PCDH15: variants seen among roughly 807,000 people sequenced by gnomAD.
PCDH15 encodes the protein protocadherin related 15, also known as protocadherin-15.
Under a neutral mutation model 178.5 loss-of-function variants are expected in PCDH15, and 129 were observed. That is an observed-to-expected ratio of 0.72 (90% confidence interval 0.63 to 0.84). PCDH15 has a LOEUF of 0.84. PCDH15 is among the 40% of genes least tolerant of loss of function. PCDH15 has a pLI of 0.00. For missense variants in PCDH15, 2,230 were observed against 2,099.9 expected (o/e 1.06, Z -1.21); for synonymous variants, 800 against 732.0 (o/e 1.09, Z -1.50).
chr10:55,615,263 G>GA (rs1843450829), intron 2 of PCDH15, among the ~76,000 whole-genome samples: 1 of 152,170 alleles, frequency 6.6e-6, no homozygotes, highest in South Asian at 2.1e-4. Context: ...TTACATATAT[G>GA]AAAATAAGAC....
chr10:54,298,431 C>A (rs2059932350), intron 8 of PCDH15, among the ~76,000 whole-genome samples: 2 of 152,286 alleles, frequency 1.3e-5, no homozygotes, highest in South Asian at 2.1e-4. Context: ...GGCCCTCAGA[C>A]AAACCTACCT....
At chr10:55,185,479 T>C (rs1839770718) in intron 1 of PCDH15, among the ~76,000 whole-genome samples, 1 of 151,780 alleles carries the variant, frequency 6.6e-6, no homozygotes, top group Admixed American at 6.6e-5. Context: ...CTTTTGAAGC[T>C]TCTAGTAAGT....
intron 13 of PCDH15, among the ~76,000 whole-genome samples, chr10:54,179,330 A>C (rs2047748033): frequency 6.7e-6 from 1 of 150,294 alleles, no homozygotes; most frequent in Admixed American, 6.6e-5. Context: ...CAAAAAACCA[A>C]ACACCGCATG....
chr10:54,481,425 G>A (rs2136930011), intron 3 of PCDH15, among the ~76,000 whole-genome samples: 1 of 151,776 alleles, frequency 6.6e-6, no homozygotes, highest in East Asian at 1.9e-4. Flanking sequence ...GTGTGTGTTT[G>A]TGTACATACT....
rs551533326 is a variant in PCDH15, at chr10:54,707,821, T to G, written c.-28-43531A>C. 2.2e-4 allele frequency among the ~76,000 whole-genome samples: 34 copies of G among 152,106 alleles called. No homozygotes were observed. The South Asian group carries it at 6.8e-3, about 31-fold the overall frequency. On this transcript the variant is annotated intron_variant, in intron 1 of 37. Transcript: ENST00000644397. ...CATGCTGGCTGTTTCATCAAATACA[T>G]AGAAACCTAAAAGAATAAAGAAACC...
intron 23 of PCDH15, among the ~76,000 whole-genome samples, chr10:53,956,999 GC>G (rs2087676046): frequency 6.6e-6 from 1 of 152,132 alleles, no homozygotes; most frequent in Non-Finnish European, 1.5e-5. Flanking sequence ...AATGAGCAAT[GC>G]CCTGTTTCAA....
At chr10:55,231,213 T>A (rs1455395964) in intron 1 of PCDH15, among the ~76,000 whole-genome samples, 1 of 151,952 alleles carries the variant, frequency 6.6e-6, no homozygotes, top group African/African-American at 2.4e-5. Context: ...ATCTGGATAA[T>A]TCATCCAGAA....
intron 2 of PCDH15, among the ~76,000 whole-genome samples, chr10:55,501,899 A>G (rs1840664261): frequency 1.3e-5 from 2 of 151,800 alleles, no homozygotes; most frequent in South Asian, 4.1e-4. Context: ...TTAAAGGAAC[A>G]TTAATGAAAA....
At chr10:54,277,799 T>A (rs1000782636) in intron 8 of PCDH15, among the ~76,000 whole-genome samples, 13 of 151,310 alleles carry the variant, frequency 8.6e-5, no homozygotes, top group Admixed American at 2.0e-4. Context: ...GTGGGGAAAT[T>A]TGGAAGTAGA....
intron 1 of PCDH15, among the ~76,000 whole-genome samples, chr10:55,192,782 T>C (rs1415855101): frequency 2.6e-5 from 4 of 151,170 alleles, no homozygotes; most frequent in African/African-American, 4.9e-5. Flanking sequence ...CAAAGACACA[T>C]AGACATATGT....
At chr10:54,680,638 C>T (rs958359919) in intron 1 of PCDH15, among the ~76,000 whole-genome samples, 2 of 152,194 alleles carry the variant, frequency 1.3e-5, no homozygotes, top group African/African-American at 4.8e-5. Flanking sequence ...AATCACGGGG[C>T]ATTTTCCCCC....
At chr10:53,934,227 T>C (rs939155340) in intron 25 of PCDH15, among the ~76,000 whole-genome samples, 7 of 152,008 alleles carry the variant, frequency 4.6e-5, no homozygotes, top group African/African-American at 1.4e-4. Context: ...GAACTTTGGG[T>C]TCAGATCACC....
chr10:54,517,701 C>T (rs1006964440), intron 3 of PCDH15, among the ~76,000 whole-genome samples: 1 of 152,102 alleles, frequency 6.6e-6, no homozygotes, highest in African/African-American at 2.4e-5. Flanking sequence ...CATCTCTGCA[C>T]CAAGAGGACC....
chr10:55,584,521 G>A (rs910572266), intron 2 of PCDH15, among the ~76,000 whole-genome samples: 1 of 151,862 alleles, frequency 6.6e-6, no homozygotes, highest in South Asian at 2.1e-4. Context: ...GCTAGGCGTG[G>A]TGGTGGGTGC....
intron 1 of PCDH15, among the ~76,000 whole-genome samples, chr10:54,717,969 G>A (rs2095501441): frequency 6.8e-6 from 1 of 147,182 alleles, no homozygotes; most frequent in African/African-American, 2.6e-5. Context: ...TAGGGACACG[G>A]ATGAAATTGG....
rs1355629800 is a variant in PCDH15 at position 55,387,585 on chromosome 10, T to C, written c.-155-220934A>G. ...CTTTCTGAAATGTGACAGCTGTATA[T>C]ATGTATAAGTAAAGTCTCACACACC... On this transcript the variant is annotated intron_variant, in intron 2 of 5. Transcript: ENST00000613346. Among the ~76,000 whole-genome samples the C allele has an allele frequency of 2.6e-5, 4 of 152,150 alleles. No homozygotes were observed. The South Asian group carries it at 8.3e-4, about 31-fold the overall frequency.
intron 15 of PCDH15, among the ~76,000 whole-genome samples, chr10:54,115,915 A>T (rs2095104827): frequency 6.6e-6 from 1 of 152,222 alleles, no homozygotes; most frequent in Non-Finnish European, 1.5e-5. Flanking sequence ...TTGAATTAGA[A>T]GTTATGAGCA....
chr10:54,163,057 T>C (rs1466234703), intron 13 of PCDH15, among the ~76,000 whole-genome samples: 1 of 152,092 alleles, frequency 6.6e-6, no homozygotes, highest in Admixed American at 6.6e-5. Flanking sequence ...GATGATTTGT[T>C]CCTAGAAATT....
chr10:53,993,328 A>C (rs2098898904), intron 21 of PCDH15, among the ~76,000 whole-genome samples: 1 of 152,316 alleles, frequency 6.6e-6, no homozygotes, highest in Non-Finnish European at 1.5e-5. Flanking sequence ...ATTATTCAAC[A>C]AATGTTTCCT....
Sources: gnomAD v4.1 joint callset for allele counts (sites outside exome capture counted in the v4.1 genomes callset) on GRCh38, gnomAD v4.1.1 for gene constraint, MANE v1.5 for transcripts, NCBI Gene and HGNC (gene_info 2026-07-23, HGNC 2026-07-21) for gene names.